Variants in GRID2 observed in about 807,000 individuals in gnomAD.
GRID2 encodes glutamate ionotropic receptor delta type subunit 2, also known as glutamate receptor ionotropic, delta-2.
Under a neutral mutation model 114.8 loss-of-function variants are expected in GRID2, and 33 were observed. The observed-to-expected ratio is 0.29, with a 90% confidence interval of 0.22 to 0.38. The LOEUF (loss-of-function observed/expected upper bound fraction) is 0.38, where lower values mean the gene tolerates loss of function less well. GRID2 is among the 10% of genes least tolerant of loss of function. The pLI is 1.00. For missense variants in GRID2, 1,184 were observed against 1,257.7 expected, an observed-to-expected ratio of 0.94 and a Z score of 0.89; for synonymous variants, 505 against 449.9, an observed-to-expected ratio of 1.12 and a Z score of -1.55.
chr4:93,417,769 A>G (rs1329766753), intron 9 of GRID2, among the ~76,000 whole-genome samples: 1 of 151,874 alleles, frequency 6.6e-6, no homozygotes, highest in East Asian at 1.9e-4. Flanking sequence ...CATTCATTTT[A>G]GGGTACAGCT....
intron 2 of GRID2, among the ~76,000 whole-genome samples, chr4:92,941,029 C>T (rs1381402173): frequency 1.3e-5 from 2 of 152,032 alleles, no homozygotes; most frequent in Admixed American, 1.3e-4. Flanking sequence ...TTAAAATTCT[C>T]TTTTATTGTT....
At chr4:92,896,446 G>A (rs983815557) in intron 2 of GRID2, among the ~76,000 whole-genome samples, 1 of 151,816 alleles carries the variant, frequency 6.6e-6, no homozygotes, top group Non-Finnish European at 1.5e-5. Context: ...ACATTGTTTG[G>A]CCCTTATTCA....
At chr4:93,512,129 T>C (rs902875973) in intron 12 of GRID2, among the ~76,000 whole-genome samples, 18 of 152,238 alleles carry the variant, frequency 1.2e-4, no homozygotes, top group African/African-American at 4.1e-4. Flanking sequence ...TGTCTATTGT[T>C]AAAAAAGAAA....
chr4:92,819,575 A>G (rs900866301), intron 2 of GRID2, among the ~76,000 whole-genome samples: 9 of 152,152 alleles, frequency 5.9e-5, no homozygotes, highest in South Asian at 2.1e-4. Context: ...TAAAGCATGT[A>G]AAATACTTAG....
At chr4:93,681,509 A>G (rs1376682962) in intron 14 of GRID2, among the ~76,000 whole-genome samples, 2 of 151,682 alleles carry the variant, frequency 1.3e-5, no homozygotes, top group Non-Finnish European at 2.9e-5. Flanking sequence ...TGGAGGCATC[A>G]TGCTACCTGA....
At chr4:92,344,178 C>T (rs907172530) in intron 1 of GRID2, among the ~76,000 whole-genome samples, 1 of 152,124 alleles carries the variant, frequency 6.6e-6, no homozygotes, top group African/African-American at 2.4e-5. Context: ...TAAGATGAAG[C>T]CAGGCGACTG....
intron 14 of GRID2, among the ~76,000 whole-genome samples, chr4:93,644,899 A>C (rs1316128370): frequency 6.6e-6 from 1 of 152,188 alleles, no homozygotes; most frequent in Non-Finnish European, 1.5e-5. Flanking sequence ...ATGCAATGAA[A>C]TGAAAGGAAT....
At chr4:93,697,944 C>T (rs1727188701) in intron 14 of GRID2, among the ~76,000 whole-genome samples, 1 of 145,744 alleles carries the variant, frequency 6.9e-6, no homozygotes, top group Non-Finnish European at 1.5e-5. Context: ...AAAATTTTAA[C>T]ACCTTTCTTC....
Position 92,571,489 on chromosome 4 carries a change from A to C in GRID2, c.89-18642A>C, listed in dbSNP as rs549526651. Among the ~76,000 whole-genome samples the C allele has an allele frequency of 2.2e-3, 330 of 151,908 alleles. 1 individual carries two copies. The highest frequency in any genetic ancestry group is 7.6e-3 in the African/African-American group (316 of 41,504). ...GACAGATCAATGAGACAGAAAGTTAACAAGGATATCCAGGAATTGAACTCA... is the reference window on the plus strand; with the variant it reads ...GACAGATCAATGAGACAGAAAGTTACCAAGGATATCCAGGAATTGAACTCA... On this transcript the variant is annotated intron_variant, in intron 1 of 15. Transcript: ENST00000282020.
intron 4 of GRID2, among the ~76,000 whole-genome samples, chr4:93,183,779 G>T (rs891652535): frequency 6.6e-6 from 1 of 152,142 alleles, no homozygotes; most frequent in South Asian, 2.1e-4. Flanking sequence ...TACCACTCAG[G>T]GAAGTTGGCT....
chr4:93,366,429 T>A (rs1340199713), intron 8 of GRID2, among the ~76,000 whole-genome samples: 1 of 152,076 alleles, frequency 6.6e-6, no homozygotes, highest in African/African-American at 2.4e-5. Flanking sequence ...AATTCCCGCC[T>A]AATAAATTTT....
chr4:92,307,845 C>A (rs1177302974), intron 1 of GRID2, among the ~76,000 whole-genome samples: 1 of 152,118 alleles, frequency 6.6e-6, no homozygotes, highest in Non-Finnish European at 1.5e-5. Context: ...AAAGAAAGGT[C>A]TTTTGACATA....
chr4:92,746,497 G>A (rs1431042423), intron 2 of GRID2, among the ~76,000 whole-genome samples: 1 of 152,000 alleles, frequency 6.6e-6, no homozygotes, highest in Non-Finnish European at 1.5e-5. Context: ...GTATTAAACT[G>A]CTGTCAATTT....
chr4:92,444,513 T>C lies in GRID2; in HGVS notation c.88+139769T>C, dbSNP rs150209186. On this transcript the variant is annotated intron_variant, in intron 1 of 15. Transcript: ENST00000282020. ...GCAAGGACTGGCCATTTACACTTCT[T>C]TTGTGGTGGAATGTCATCAGTTAAG... Among the ~76,000 whole-genome samples, 1,345 of 152,140 alleles carry C rather than the reference T, an allele frequency of 8.8e-3. 21 individuals are homozygous for C. Among genetic ancestry groups the C allele is most frequent in the African/African-American group, 0.031 (1,282 of 41,506 alleles).
chr4:92,782,285 TTAATA>T (rs1210193180), intron 2 of GRID2, among the ~76,000 whole-genome samples: 1 of 152,090 alleles, frequency 6.6e-6, no homozygotes, highest in Non-Finnish European at 1.5e-5. Context: ...AATTGTATCA[TTAATA>T]TAATACTTTT....
intron 2 of GRID2, among the ~76,000 whole-genome samples, chr4:92,696,024 TA>T (rs1428293234): frequency 3.9e-5 from 6 of 152,170 alleles, no homozygotes; most frequent in African/African-American, 1.4e-4. Context: ...CTTCACTAAA[TA>T]ATACTGTTTT....
At chr4:93,141,962 T>G (rs1735807565) in intron 4 of GRID2, among the ~76,000 whole-genome samples, 1 of 152,192 alleles carries the variant, frequency 6.6e-6, no homozygotes, top group Admixed American at 6.5e-5. Context: ...AACAAAATAC[T>G]GTGGCTGCAG....
chr4:93,697,149 C>T (rs1263341654), intron 14 of GRID2, among the ~76,000 whole-genome samples: 1 of 152,084 alleles, frequency 6.6e-6, no homozygotes. Context: ...AATTTAGAGA[C>T]AAGGATTTTA....
At chr4:92,553,684 C>G (rs562101641) in intron 1 of GRID2, among the ~76,000 whole-genome samples, 54 of 151,170 alleles carry the variant, frequency 3.6e-4, no homozygotes, top group African/African-American at 1.3e-3. Flanking sequence ...GACAGTCTCT[C>G]TCTGTCGCCC....
Sources: gnomAD v4.1 joint callset for allele counts (sites outside exome capture counted in the v4.1 genomes callset) on GRCh38, gnomAD v4.1.1 for gene constraint, MANE v1.5 for transcripts, NCBI Gene and HGNC (gene_info 2026-07-23, HGNC 2026-07-21) for gene names.